ZMAT4: variants seen among roughly 807,000 people sequenced by gnomAD.
ZMAT4 encodes the protein zinc finger matrin-type 4.
A neutral mutation model predicts 28.7 loss-of-function variants in ZMAT4; 17 were observed. The observed-to-expected ratio is 0.59, with a 90% CI of 0.41 to 0.89. The LOEUF is 0.89. Ranked by LOEUF, ZMAT4 falls within the 40% of genes least tolerant of loss-of-function variation. The pLI, the probability that ZMAT4 is intolerant of heterozygous loss-of-function variation, is 0.00. For missense variants in ZMAT4, 240 were observed against 283.8 expected, an observed-to-expected ratio of 0.85 and a Z score of 1.11; for synonymous variants, 117 against 109.2, an observed-to-expected ratio of 1.07 and a Z score of -0.44.
intron 1 of ZMAT4, among the ~76,000 whole-genome samples, chr8:40,890,368 C>G (rs370563243): frequency 2.0e-5 from 3 of 152,148 alleles, no homozygotes; most frequent in Non-Finnish European, 4.4e-5. Context: ...TCACCTAACA[C>G]TATGACCTTT....
intron 5 of ZMAT4, among the ~76,000 whole-genome samples, chr8:40,587,096 G>C (rs1177266717): frequency 1.4e-5 from 2 of 144,154 alleles, no homozygotes; most frequent in Non-Finnish European, 3.0e-5. Flanking sequence ...ACTGCTCAAG[G>C]AACAAAAAGT....
At chr8:40,796,528 C>T (rs1407397743) in intron 2 of ZMAT4, among the ~76,000 whole-genome samples, 1 of 152,048 alleles carries the variant, frequency 6.6e-6, no homozygotes, top group Non-Finnish European at 1.5e-5. Flanking sequence ...GAATCTCACC[C>T]AGCTCTTTAT....
At chr8:40,758,271 C>T (rs1374959927) in intron 3 of ZMAT4, among the ~76,000 whole-genome samples, 1 of 152,190 alleles carries the variant, frequency 6.6e-6, no homozygotes, top group Non-Finnish European at 1.5e-5. Context: ...AGGAAGACTT[C>T]ATTGTATTCC....
intron 4 of ZMAT4, among the ~76,000 whole-genome samples, chr8:40,675,282 G>C (rs1351348801): frequency 1.3e-5 from 2 of 152,120 alleles, no homozygotes; most frequent in East Asian, 1.9e-4. Context: ...TGGCTGCCTG[G>C]AGTAGCTTTG....
At chr8:40,662,064 C>T (rs1808224249) in intron 5 of ZMAT4, among the ~76,000 whole-genome samples, 1 of 152,184 alleles carries the variant, frequency 6.6e-6, no homozygotes, top group Admixed American at 6.5e-5. Flanking sequence ...GTAATCTCTG[C>T]CTCACAGGCT....
chr8:40,756,047 G>A (rs775413652), intron 3 of ZMAT4, among the ~76,000 whole-genome samples: 4 of 152,144 alleles, frequency 2.6e-5, no homozygotes, highest in Admixed American at 6.5e-5. Context: ...CAAATGAAGG[G>A]AACCCATACA....
At position 40,647,287 on chromosome 8, in the gene ZMAT4, C is replaced by T. The variant is rs1488050626; in HGVS notation, c.577+27417G>A. Among the ~76,000 whole-genome samples the T allele has an allele frequency of 3.3e-5, 5 of 152,136 alleles. No individual in the cohort carries two copies. In the South Asian group the frequency reaches 8.3e-4, roughly 25 times the overall value. The stretch of plus-strand genomic sequence containing the variant: ...GGAAGCGCAAAGGGTCAGGGAGTTC[C>T]CTTTCCGAGTCAAAGAAAGGGGTGA... On this transcript the variant is annotated intron_variant, in intron 5 of 6. Transcript: ENST00000297737.
intron 3 of ZMAT4, among the ~76,000 whole-genome samples, chr8:40,763,283 T>C (rs1379102409): frequency 6.6e-6 from 1 of 152,206 alleles, no homozygotes; most frequent in African/African-American, 2.4e-5. Context: ...GGAGCTAGTT[T>C]ACAGTATCAG....
rs564070989 is a variant in ZMAT4 at position 40,817,028 on chromosome 8, C to T, written c.102+8547G>A. Among the ~76,000 whole-genome samples, 16 of 152,234 alleles carry T rather than the reference C, an allele frequency of 1.1e-4. No individual in the cohort carries two copies. In the South Asian group the frequency reaches 3.3e-3, roughly 32 times the overall value. Reference sequence around the variant, plus strand: ...GCAAAAATCAAATGAAGGGCATAGCCTTTCCACTTGCTTTTTTAAGATAAT... The same window carrying T: ...GCAAAAATCAAATGAAGGGCATAGCTTTTCCACTTGCTTTTTTAAGATAAT... On this transcript the variant is annotated intron_variant, in intron 2 of 6. Transcript: ENST00000297737.
rs570591790 is a variant in ZMAT4 at position 40,874,824 on chromosome 8, G to A, written c.-5+22859C>T. 7.6e-4 allele frequency among the ~76,000 whole-genome samples: 116 copies of A among 152,302 alleles called. 2 individuals are homozygous for A. In the South Asian group the frequency reaches 0.016, roughly 21 times the overall value. The stretch of plus-strand genomic sequence containing the variant: ...CTGAGCTGATTGGACTGCAGCAGGC[G>A]TGGTTTCGGACATGGCTTATTTTAG... On this transcript the variant is annotated intron_variant, in intron 1 of 6. Coordinates refer to ENST00000297737, the MANE Select transcript of ZMAT4 (RefSeq NM_024645.3).
chr8:40,887,182 A>G (rs1450038662), intron 1 of ZMAT4, among the ~76,000 whole-genome samples: 1 of 150,316 alleles, frequency 6.7e-6, no homozygotes, highest in Non-Finnish European at 1.5e-5. Context: ...AAAAAAAAAA[A>G]AAAAAAAGCC....
intron 5 of ZMAT4, among the ~76,000 whole-genome samples, chr8:40,643,098 C>T (rs1012204720): frequency 2.6e-5 from 4 of 152,154 alleles, no homozygotes; most frequent in African/African-American, 9.7e-5. Flanking sequence ...TCCTTCGCAG[C>T]TTTAGAATTC....
At chr8:40,838,902 A>G (rs1025325078) in intron 1 of ZMAT4, among the ~76,000 whole-genome samples, 10 of 152,354 alleles carry the variant, frequency 6.6e-5, no homozygotes, top group Non-Finnish European at 1.3e-4. Context: ...GATGGAGATA[A>G]GAATGAAAAC....
At chr8:40,601,477 G>A (rs563679659) in intron 5 of ZMAT4, among the ~76,000 whole-genome samples, 10 of 91,716 alleles carry the variant, frequency 1.1e-4, no homozygotes, top group African/African-American at 3.3e-4. Flanking sequence ...AGGAAAGAAA[G>A]AAAGAAAGAA....
chr8:40,801,353 T>A (rs202161833), intron 2 of ZMAT4, among the ~76,000 whole-genome samples: 133 of 82,286 alleles, frequency 1.6e-3, no homozygotes, highest in African/African-American at 4.2e-3. Context: ...AAAAAAAAAA[T>A]ATATATATAT....
intron 2 of ZMAT4, among the ~76,000 whole-genome samples, chr8:40,820,500 GTA>G (rs1476559950): frequency 6.6e-6 from 1 of 150,668 alleles, no homozygotes; most frequent in Non-Finnish European, 1.5e-5. Flanking sequence ...GTATATGTGT[GTA>G]TGTGTGTATT....
chr8:40,875,757 T>A (rs1818021228), intron 1 of ZMAT4, among the ~76,000 whole-genome samples: 1 of 151,990 alleles, frequency 6.6e-6, no homozygotes, highest in South Asian at 2.1e-4. Context: ...CCCGGGCCGG[T>A]CAGGCAGTAA....
intron 2 of ZMAT4, among the ~76,000 whole-genome samples, chr8:40,822,202 A>G (rs185279827): frequency 3.3e-3 from 501 of 152,326 alleles, no homozygotes; most frequent in Non-Finnish European, 4.4e-3. Flanking sequence ...ACACTGAACT[A>G]TCGGTGACTT....
intron 5 of ZMAT4, among the ~76,000 whole-genome samples, chr8:40,615,239 T>A (rs957429502): frequency 6.6e-6 from 1 of 152,204 alleles, no homozygotes. Context: ...TCTTTAAGAA[T>A]GTTGAATATT....
Sources: allele counts gnomAD v4.1 joint callset (sites outside exome capture counted in the v4.1 genomes callset), GRCh38; gene constraint gnomAD v4.1.1; transcripts MANE v1.5; gene names NCBI Gene and HGNC (gene_info 2026-07-23, HGNC 2026-07-21).